Variants in SDK1 observed in about 807,000 individuals in gnomAD.
SDK1 encodes sidekick cell adhesion molecule 1.
A neutral mutation model predicts 245.5 loss-of-function variants in SDK1; 157 were observed. The ratio of observed to expected loss-of-function variants is 0.64; its 90% CI spans 0.56 to 0.73. SDK1 has a LOEUF of 0.73. Among genes scored for constraint, SDK1 ranks in the 30% least tolerant of loss-of-function variants. The pLI, the probability that SDK1 is intolerant of heterozygous loss-of-function variation, is 0.00. For synonymous variants in SDK1, 1,647 were observed against 1,278.5 expected, an observed-to-expected ratio of 1.29 and a Z score of -6.15; for missense variants, 3,583 against 3,002.3, an observed-to-expected ratio of 1.19 and a Z score of -4.52.
intron 1 of SDK1, among the ~76,000 whole-genome samples, chr7:3,323,004 G>A (rs1387573587): frequency 6.6e-6 from 1 of 152,016 alleles, no homozygotes; most frequent in Non-Finnish European, 1.5e-5. Context: ...GTTTTGCCAT[G>A]TTGCCGAGGC....
chr7:4,146,172 C>A (rs1779961978), intron 29 of SDK1, among the ~76,000 whole-genome samples: 1 of 151,236 alleles, frequency 6.6e-6, no homozygotes, highest in South Asian at 2.1e-4. Context: ...CCTTCAGCCT[C>A]ACACCTGCTC....
intron 28 of SDK1, among the ~76,000 whole-genome samples, chr7:4,140,254 C>G (rs1459168898): frequency 6.6e-5 from 10 of 152,204 alleles, no homozygotes; most frequent in Admixed American, 6.5e-4. Flanking sequence ...GCATAGCGCT[C>G]TCCCTGGGCC....
chr7:3,619,874 G>C (rs77383421), intron 2 of SDK1, among the ~76,000 whole-genome samples: 4,592 of 152,310 alleles, frequency 0.03, 204 homozygotes, highest in African/African-American at 0.099. Flanking sequence ...GTAAGACTGA[G>C]GTGTAGATTC....
intron 1 of SDK1, among the ~76,000 whole-genome samples, chr7:3,497,294 G>A (rs1040525424): frequency 6.6e-6 from 1 of 152,186 alleles, no homozygotes; most frequent in South Asian, 2.1e-4. Flanking sequence ...TAAAATGTAC[G>A]CAAGGGGACT....
In SDK1 at chr7:3,747,063, G is replaced by T. The variant is rs112111485; in HGVS notation, c.714-74387G>T. Among the ~76,000 whole-genome samples, 677 of 152,336 alleles carry T rather than the reference G, an allele frequency of 4.4e-3. 10 individuals are homozygous for T. Among genetic ancestry groups the T allele is most frequent in the African/African-American group, 0.015 (624 of 41,580 alleles). On this transcript the variant is annotated intron_variant, in intron 4 of 44. Coordinates refer to ENST00000404826, the MANE Select transcript of SDK1 (RefSeq NM_152744.4). The stretch of plus-strand genomic sequence containing the variant: ...ATTCATAGGCTGCAGAATGGATGCT[G>T]TGGCATGAAACCAACATTCATCTCC...
intron 5 of SDK1, among the ~76,000 whole-genome samples, chr7:3,863,066 G>T (rs370077860): frequency 6.6e-6 from 1 of 152,190 alleles, no homozygotes; most frequent in African/African-American, 2.4e-5. Flanking sequence ...CCAGTCTGCG[G>T]CCTGGAGGGT....
At chr7:3,432,469 A>G (rs1779882181) in intron 1 of SDK1, among the ~76,000 whole-genome samples, 1 of 152,294 alleles carries the variant, frequency 6.6e-6, no homozygotes, top group South Asian at 2.1e-4. Flanking sequence ...AAAAGCTAAC[A>G]TGTAAACAAG....
At chr7:3,766,168 G>T (rs1780248081) in intron 4 of SDK1, among the ~76,000 whole-genome samples, 2 of 152,152 alleles carry the variant, frequency 1.3e-5, no homozygotes, top group Admixed American at 1.3e-4. Flanking sequence ...TGCAAAATTT[G>T]AATATTAATT....
At position 3,962,729 on chromosome 7, in the gene SDK1, A is replaced by G. The variant is rs763897768; in HGVS notation, c.1307A>G (p.Lys436Arg). ...SISRLQNPRY[K>R]VLASGGLRIQ... Reference sequence around the variant, plus strand: ...AGCAGGCTCCAGAATCCTCGATACAAAGTGCTCGCCAGCGGAGGCCTGCGC... The same window carrying G: ...AGCAGGCTCCAGAATCCTCGATACAGAGTGCTCGCCAGCGGAGGCCTGCGC... The change falls in exon 9 of 45, where the codon AAA becomes AGA. Residue 436 changes from lysine (K) to arginine (R), a missense_variant. Coordinates refer to ENST00000404826, the MANE Select transcript of SDK1 (RefSeq NM_152744.4). 12 of 1,613,770 alleles carry G rather than the reference A, an allele frequency of 7.4e-6. No individual in the cohort carries two copies. Among genetic ancestry groups the G allele is most frequent in the Non-Finnish European group, 1.0e-5 (12 of 1,179,872 alleles).
In SDK1 at chr7:4,129,921, C is replaced by T. The variant is rs1784682539; in HGVS notation, c.3953C>T (p.Ala1318Val). The T allele has an allele frequency of 6.2e-7, 1 of 1,613,536 alleles. No individual in the cohort carries two copies. Residue 1318 changes from alanine to valine, a missense_variant, in exon 27 of 45, where the codon GCC (alanine) becomes GTC (valine). By Grantham distance (64) the Ala-to-Val change is moderately conservative. Transcript: ENST00000404826. ...TCGATACCACAGATCCTGTTCCGGGCCAAAGACCTGGATCCCGAGCCCAGG... is the reference window on the plus strand; with the variant it reads ...TCGATACCACAGATCCTGTTCCGGGTCAAAGACCTGGATCCCGAGCCCAGG... ...LILGYKILFR[A>V]KDLDPEPRSH... is the part of the protein sequence containing the mutation.
chr7:4,205,958 C>T lies in SDK1; in HGVS notation c.5178C>T (p.Pro1726=), dbSNP rs1784197845. ...TGGAGGTCACGTGGGACCCACCACC[C>T]CCGGAGAGCCAGAATGGGAACATCC... is the stretch of plus-strand genomic sequence containing the variant. ...SQLEVTWDPP[P]PESQNGNIQG... is the part of the protein sequence containing the mutation. Residue 1726 remains proline (P), a synonymous_variant, in exon 36 of 45, where the codon CCC becomes CCT. Transcript: ENST00000404826. 1 of 1,560,838 alleles carries T rather than the reference C, an allele frequency of 6.4e-7. No homozygotes were observed. Among genetic ancestry groups the T allele is most frequent in the Non-Finnish European group, 8.7e-7 (1 of 1,152,074 alleles).
intron 11 of SDK1, among the ~76,000 whole-genome samples, 197 bp from the exon 12 acceptor site, chr7:3,971,269 A>G (rs1782465845): frequency 6.6e-6 from 1 of 152,118 alleles, no homozygotes; most frequent in African/African-American, 2.4e-5. Context: ...GGGTTGACAG[A>G]CTGCTGCAAT....
intron 5 of SDK1, among the ~76,000 whole-genome samples, chr7:3,838,686 C>G (rs1343094473): frequency 6.6e-6 from 1 of 152,190 alleles, no homozygotes; most frequent in East Asian, 1.9e-4. Context: ...TCTGAGGGAG[C>G]TGATGGGATG....
At chr7:3,803,326 T>C (rs949625844) in intron 4 of SDK1, among the ~76,000 whole-genome samples, 2 of 151,122 alleles carry the variant, frequency 1.3e-5, no homozygotes, top group African/African-American at 4.8e-5. Context: ...TTTTTTTTTT[T>C]TGGAAACAAA....
Position 3,301,862 on chromosome 7 carries a change from C to T in SDK1, c.276C>T (p.His92=). Residue 92 remains histidine (H), a synonymous_variant, in exon 1 of 45, where the codon CAC becomes CAT. Coordinates refer to ENST00000404826, the MANE Select transcript of SDK1 (RefSeq NM_152744.4). ...GGGCGCTGCTGGCGCTGCAGCTGCACTTGCTCCGGGCGCTGGCGCAAGGTA... is the reference window on the plus strand; with the variant it reads ...GGGCGCTGCTGGCGCTGCAGCTGCATTTGCTCCGGGCGCTGGCGCAAGGTA... ...GWWALLALQL[H]LLRALAQDDV... is the part of the protein sequence containing the mutation. The T allele has an allele frequency of 7.0e-6, 8 of 1,135,978 alleles. No homozygotes were observed. The highest frequency in any genetic ancestry group is 8.6e-6 in the Non-Finnish European group (8 of 927,288). The allele number at this position is 1,135,978 out of a possible 1,614,324, so 70.4% of individuals were successfully genotyped here. A position where few individuals can be genotyped will look rare whatever the true frequency, so the allele number is the denominator to read the frequency against.
chr7:3,637,613 A>G (rs1782505269), intron 2 of SDK1, among the ~76,000 whole-genome samples: 1 of 152,382 alleles, frequency 6.6e-6, no homozygotes, highest in East Asian at 1.9e-4. Context: ...CAAAACCAGC[A>G]GTAAACCTAA....
chr7:4,233,458 C>A (rs1331170233), intron 41 of SDK1, 39 bp downstream of exon 41: 6 of 1,569,690 alleles, frequency 3.8e-6, no homozygotes, highest in Non-Finnish European at 5.2e-6. Flanking sequence ...TTCTGGAGGA[C>A]TAGAGGGAGA....
intron 41 of SDK1, among the ~76,000 whole-genome samples, chr7:4,234,475 G>A (rs1786018528): frequency 6.6e-6 from 1 of 152,162 alleles, no homozygotes; most frequent in Non-Finnish European, 1.5e-5. Flanking sequence ...TCAGGAAGGT[G>A]CCCAAAGCCT....
chr7:3,665,591 T>C (rs1313586602), intron 4 of SDK1, among the ~76,000 whole-genome samples: 1 of 152,208 alleles, frequency 6.6e-6, no homozygotes, highest in Non-Finnish European at 1.5e-5. Flanking sequence ...TAAATATTTT[T>C]ATGTTTGTTT....
Sources: gnomAD v4.1 joint callset for allele counts (sites outside exome capture counted in the v4.1 genomes callset) on GRCh38, gnomAD v4.1.1 for gene constraint, MANE v1.5 for transcripts, NCBI Gene and HGNC (gene_info 2026-07-23, HGNC 2026-07-21) for gene names.